The following APBA2 variants were observed in gnomAD, a reference collection of about 807,000 sequenced individuals.
APBA2 encodes the protein amyloid beta precursor protein binding family A member 2, also known as amyloid-beta A4 precursor protein-binding family A member 2.
APBA2 carries 30 observed loss-of-function variants against 75.0 expected under a neutral mutation model. The observed-to-expected ratio is 0.40, with a 90% CI of 0.30 to 0.54. The LOEUF is 0.54. Among genes scored for constraint, APBA2 ranks in the 20% least tolerant of loss-of-function variants. APBA2 has a pLI of 0.49. For synonymous variants in APBA2, 444 were observed against 409.6 expected, an observed-to-expected ratio of 1.08 and a Z score of -1.01; for missense variants, 801 against 1,016.1, an observed-to-expected ratio of 0.79 and a Z score of 2.88.
chr15:29,054,314 TCGG>T lies in APBA2; in HGVS notation c.434_436del (p.Ala145del). Reference sequence around the variant, plus strand: ...GGAGGCGGTGGAGGAGTGGACGGACTCGGCGGGCCCGCACCCCCACGGCCACGA... The same window carrying T: ...GGAGGCGGTGGAGGAGTGGACGGACTCGGGCCCGCACCCCCACGGCCACGA... On this transcript the variant is annotated inframe_deletion, in exon 4 of 15. Coordinates refer to ENST00000683413, the MANE Select transcript of APBA2 (RefSeq NM_001353788.2). The surrounding 1 kb of genome is among the most constrained non-coding windows in gnomAD (Gnocchi z 6.1). 1 of 1,613,918 alleles carries T rather than the reference TCGG, an allele frequency of 6.2e-7. No individual in the cohort carries two copies. Among genetic ancestry groups the T allele is most frequent in the Non-Finnish European group, 8.5e-7 (1 of 1,179,988 alleles).
intron 3 of APBA2, among the ~76,000 whole-genome samples, chr15:29,020,223 A>T (rs187288078): frequency 1.3e-5 from 2 of 151,386 alleles, no homozygotes; most frequent in East Asian, 3.9e-4. Flanking sequence ...CTGGATGCTC[A>T]TTCTTTGATA....
rs1463573167 is a variant in APBA2 at position 28,991,798 on chromosome 15, TCAA to T, written c.-94-3951_-94-3949del. ...TGCTCAGTGTGGCCAGAGCCTCCTGTCAACAAGTATGTCACTGCCTTCGGGTTA... is the reference window on the plus strand; with the variant it reads ...TGCTCAGTGTGGCCAGAGCCTCCTGTCAAGTATGTCACTGCCTTCGGGTTA... On this transcript the variant is annotated intron_variant, in intron 2 of 14. Coordinates refer to ENST00000683413, the MANE Select transcript of APBA2 (RefSeq NM_001353788.2). This position sits in a 1 kb window ranked among gnomAD's most constrained non-coding sequence, Gnocchi z 4.7. Among the ~76,000 whole-genome samples, 2 of 152,180 alleles carry T rather than the reference TCAA, an allele frequency of 1.3e-5. No homozygotes were observed. The highest frequency in any genetic ancestry group is 6.5e-5 in the Admixed American group (1 of 15,282).
intron 9 of APBA2, 32 bp downstream of exon 9, chr15:29,098,608 G>A: frequency 1.9e-6 from 3 of 1,556,160 alleles, no homozygotes; most frequent in South Asian, 2.2e-5. Context: ...TCAAAATCAG[G>A]TAAACTCCTA....
intron 2 of APBA2, among the ~76,000 whole-genome samples, chr15:28,987,263 C>T (rs952905549): frequency 3.9e-5 from 6 of 152,192 alleles, no homozygotes; most frequent in African/African-American, 1.4e-4. Context: ...ATTATGCCAA[C>T]ACTTAGTGGT....
intron 3 of APBA2, among the ~76,000 whole-genome samples, chr15:29,031,581 G>T: frequency 6.6e-6 from 1 of 152,072 alleles, no homozygotes; most frequent in Admixed American, 6.6e-5. Context: ...GTGATTCTCT[G>T]CCTTAGCCTC....
chr15:29,025,961 A>G (rs892033231), intron 3 of APBA2, among the ~76,000 whole-genome samples: 2 of 144,598 alleles, frequency 1.4e-5, no homozygotes, highest in African/African-American at 2.4e-5. Context: ...AAAAAAAAAA[A>G]AAAAGAAAAG....
chr15:29,064,233 T>A (rs2042277829), intron 4 of APBA2, among the ~76,000 whole-genome samples: 1 of 152,104 alleles, frequency 6.6e-6, no homozygotes, highest in Non-Finnish European at 1.5e-5. Context: ...GCCAAGCCTC[T>A]CTTAACCTTG....
chr15:29,060,370 C>T (rs548168381), intron 4 of APBA2, among the ~76,000 whole-genome samples: 1 of 152,290 alleles, frequency 6.6e-6, no homozygotes, highest in Non-Finnish European at 1.5e-5. Context: ...AGACTGTGGA[C>T]TGTGTTATGC....
At chr15:29,088,405 A>T (rs2043392494) in intron 6 of APBA2, among the ~76,000 whole-genome samples, 2 of 152,178 alleles carry the variant, frequency 1.3e-5, no homozygotes, top group Admixed American at 1.3e-4. Context: ...TCCTGCCACT[A>T]AACTTGCCTG....
chr15:28,912,609 G>A (rs1471429726), intron 1 of APBA2, among the ~76,000 whole-genome samples: 3 of 152,340 alleles, frequency 2.0e-5, no homozygotes, highest in Non-Finnish European at 2.9e-5. Context: ...TAGGCCTGGG[G>A]ACATAGCCCA....
At chr15:29,093,625 T>C (rs1186051291) in intron 7 of APBA2, among the ~76,000 whole-genome samples, 2 of 152,226 alleles carry the variant, frequency 1.3e-5, no homozygotes, top group Admixed American at 1.3e-4. Flanking sequence ...TTTGACCTGC[T>C]TGTAGCTCTA....
intron 8 of APBA2, among the ~76,000 whole-genome samples, chr15:29,097,138 A>G (rs935905356): frequency 1.8e-4 from 28 of 152,270 alleles, no homozygotes; most frequent in African/African-American, 6.8e-4. Context: ...TGGGATGGAC[A>G]TGGTGGTGAC....
chr15:29,099,751 G>A (rs1212015158), intron 9 of APBA2, among the ~76,000 whole-genome samples: 3 of 152,194 alleles, frequency 2.0e-5, no homozygotes, highest in African/African-American at 7.2e-5. Flanking sequence ...TACATGGAGG[G>A]TGCCACACCT....
At chr15:29,074,554 T>G (rs1394711325) in intron 4 of APBA2, among the ~76,000 whole-genome samples, 1 of 152,142 alleles carries the variant, frequency 6.6e-6, no homozygotes. Context: ...GTTTTAGTTT[T>G]GGGAAGAGGA....
At chr15:28,967,753 A>C (rs1191185842) in intron 2 of APBA2, among the ~76,000 whole-genome samples, 1 of 152,140 alleles carries the variant, frequency 6.6e-6, no homozygotes, top group African/African-American at 2.4e-5. Context: ...CTTTATTTTT[A>C]AAATGTATTT....
intron 13 of APBA2, among the ~76,000 whole-genome samples, chr15:29,112,891 C>T (rs765993130): frequency 5.3e-5 from 8 of 152,118 alleles, no homozygotes; most frequent in Non-Finnish European, 1.2e-4. Flanking sequence ...CGGCCCCCCA[C>T]TTCTACTTTG....
chr15:28,919,936 C>T (rs962842061), intron 1 of APBA2, among the ~76,000 whole-genome samples: 4 of 152,284 alleles, frequency 2.6e-5, no homozygotes, highest in Non-Finnish European at 2.9e-5. Context: ...CTCTGTAGCC[C>T]GATGTCTTTG....
chr15:28,907,874 C>G (rs1425908987), intron 1 of APBA2, among the ~76,000 whole-genome samples: 1 of 152,110 alleles, frequency 6.6e-6, no homozygotes, highest in Non-Finnish European at 1.5e-5. Context: ...CTATTTGAAC[C>G]AACTTAAAGG....
chr15:29,059,404 G>T (rs145846842), intron 4 of APBA2, among the ~76,000 whole-genome samples: 3 of 152,112 alleles, frequency 2.0e-5, no homozygotes, highest in Non-Finnish European at 4.4e-5. Flanking sequence ...CTTCTGTAGC[G>T]TATGATGAAG....
Sources: allele counts gnomAD v4.1 joint callset (sites outside exome capture counted in the v4.1 genomes callset), GRCh38; gene constraint gnomAD v4.1.1; non-coding constraint Gnocchi (gnomAD v3.1); transcripts MANE v1.5; gene names NCBI Gene and HGNC (gene_info 2026-07-23, HGNC 2026-07-21).